FBXL17: variants seen among roughly 807,000 people sequenced by gnomAD.
The protein encoded by FBXL17 is F-box and leucine rich repeat protein 17, also known as F-box/LRR-repeat protein 17.
A neutral mutation model predicts 66.2 loss-of-function variants in FBXL17; 22 were observed. That is an observed-to-expected ratio of 0.33 (90% CI 0.24 to 0.47). The LOEUF is 0.47. FBXL17 is among the 20% of genes least tolerant of loss of function. The pLI is 1.00. For missense variants in FBXL17, 878 were observed against 948.2 expected (o/e 0.93, Z 0.97); for synonymous variants, 474 against 400.5 (o/e 1.18, Z -2.19).
At chr5:107,872,764 C>T (rs1169061244) in intron 8 of FBXL17, among the ~76,000 whole-genome samples, 2 of 152,192 alleles carry the variant, frequency 1.3e-5, no homozygotes, top group African/African-American at 2.4e-5. Context: ...AGGAGGAACA[C>T]TACACAGATT....
chr5:107,999,526 T>C (rs1242276670), intron 7 of FBXL17, among the ~76,000 whole-genome samples: 1 of 146,898 alleles, frequency 6.8e-6, no homozygotes, highest in South Asian at 2.2e-4. Context: ...ATACTACAAC[T>C]AGCAGTCTCA....
At chr5:108,340,298 C>A (rs1746796507) in intron 4 of FBXL17, among the ~76,000 whole-genome samples, 1 of 151,792 alleles carries the variant, frequency 6.6e-6, no homozygotes, top group Non-Finnish European at 1.5e-5. Context: ...TGCCTACAAT[C>A]CCAGCAATTC....
intron 7 of FBXL17, among the ~76,000 whole-genome samples, chr5:107,972,828 G>A (rs1354155289): frequency 6.6e-6 from 1 of 151,958 alleles, no homozygotes; most frequent in East Asian, 1.9e-4. Context: ...TTTAAAATGT[G>A]GAAACTCGAA....
intron 6 of FBXL17, among the ~76,000 whole-genome samples, chr5:108,089,309 C>T (rs546123718): frequency 6.6e-6 from 1 of 152,310 alleles, no homozygotes; most frequent in South Asian, 2.1e-4. Flanking sequence ...GGCTACAAGG[C>T]CAGACATCTT....
intron 7 of FBXL17, among the ~76,000 whole-genome samples, chr5:107,953,764 T>C (rs998492849): frequency 2.0e-5 from 3 of 152,188 alleles, no homozygotes; most frequent in African/African-American, 7.2e-5. Context: ...CTAAATATAA[T>C]CAATAAGTCT....
At chr5:107,862,560 T>C (rs991799955) in intron 8 of FBXL17, among the ~76,000 whole-genome samples, 20 of 152,230 alleles carry the variant, frequency 1.3e-4, no homozygotes, top group African/African-American at 4.8e-4. Flanking sequence ...TTAAGATGAT[T>C]GCAGTTCATA....
chr5:108,269,250 T>C (rs1231799633), intron 4 of FBXL17, among the ~76,000 whole-genome samples: 1 of 152,036 alleles, frequency 6.6e-6, no homozygotes, highest in African/African-American at 2.4e-5. Flanking sequence ...TCAAGTGACT[T>C]CACCTCAAAA....
At chr5:108,375,696 T>C (rs1246499732) in intron 1 of FBXL17, among the ~76,000 whole-genome samples, 2 of 152,128 alleles carry the variant, frequency 1.3e-5, no homozygotes, top group Non-Finnish European at 2.9e-5. Flanking sequence ...AGTAATATGC[T>C]TCAATAAGAA....
At chr5:108,018,305 G>A (rs11742139) in intron 7 of FBXL17, among the ~76,000 whole-genome samples, 50,284 of 152,018 alleles carry the variant, frequency 0.33, 9,571 homozygotes, top group Admixed American at 0.43. Context: ...AAGGAAAAGG[G>A]CATCTGCTTT....
At chr5:107,865,774 G>A (rs1029013285) in intron 8 of FBXL17, among the ~76,000 whole-genome samples, 1 of 152,148 alleles carries the variant, frequency 6.6e-6, no homozygotes, top group African/African-American at 2.4e-5. Context: ...CCTACTTAGG[G>A]AGGGTTATTT....
intron 4 of FBXL17, among the ~76,000 whole-genome samples, chr5:108,303,925 TG>T (rs1481719539): frequency 6.6e-6 from 1 of 151,982 alleles, no homozygotes; most frequent in Non-Finnish European, 1.5e-5. Flanking sequence ...AAAATCTCTC[TG>T]GCATCTCAAA....
At chr5:108,105,680 A>C (rs976792345) in intron 6 of FBXL17, among the ~76,000 whole-genome samples, 2 of 152,198 alleles carry the variant, frequency 1.3e-5, no homozygotes, top group Non-Finnish European at 2.9e-5. Flanking sequence ...CAAATTATAA[A>C]ATTCCTCCCA....
chr5:108,200,322 A>G (rs1210453635), intron 5 of FBXL17, among the ~76,000 whole-genome samples: 1 of 152,082 alleles, frequency 6.6e-6, no homozygotes, highest in African/African-American at 2.4e-5. Flanking sequence ...TTCTGAGGGG[A>G]AGGAGGCCTG....
At chr5:108,204,681 T>C (rs773735874) in intron 5 of FBXL17, among the ~76,000 whole-genome samples, 1 of 152,196 alleles carries the variant, frequency 6.6e-6, no homozygotes, top group Non-Finnish European at 1.5e-5. Flanking sequence ...TATAAAATAA[T>C]ATATGTTAAT....
intron 4 of FBXL17, among the ~76,000 whole-genome samples, chr5:108,247,386 TA>T (rs1293340046): frequency 6.6e-6 from 1 of 152,052 alleles, no homozygotes; most frequent in Non-Finnish European, 1.5e-5. Flanking sequence ...TATGAGAGAA[TA>T]AAAAAGTGCA....
At chr5:107,930,363 G>A (rs1038855663) in intron 7 of FBXL17, among the ~76,000 whole-genome samples, 2 of 152,094 alleles carry the variant, frequency 1.3e-5, no homozygotes, top group Non-Finnish European at 2.9e-5. Context: ...AGCTGTTCTT[G>A]TGGCCAACTC....
At chr5:108,032,681 C>T (rs1197492333) in intron 6 of FBXL17, among the ~76,000 whole-genome samples, 1 of 152,144 alleles carries the variant, frequency 6.6e-6, no homozygotes, top group Non-Finnish European at 1.5e-5. Context: ...TCCGTAGAGC[C>T]TCCAGACAGG....
intron 6 of FBXL17, among the ~76,000 whole-genome samples, chr5:108,143,781 T>C (rs1751455365): frequency 7.0e-6 from 1 of 143,374 alleles, no homozygotes; most frequent in African/African-American, 2.6e-5. Flanking sequence ...AGACTGATAC[T>C]CATCCTGTCT....
intron 4 of FBXL17, among the ~76,000 whole-genome samples, chr5:108,285,783 A>G (rs2150155609): frequency 6.6e-6 from 1 of 151,818 alleles, no homozygotes; most frequent in Admixed American, 6.6e-5. Context: ...CAATAACCAT[A>G]ACATATATAA....
Sources: allele counts gnomAD v4.1 joint callset (sites outside exome capture counted in the v4.1 genomes callset), GRCh38; gene constraint gnomAD v4.1.1; transcripts MANE v1.5; gene names NCBI Gene and HGNC (gene_info 2026-07-23, HGNC 2026-07-21).